The following EFHC2 variants were observed in gnomAD, a reference collection of about 807,000 sequenced individuals.
EFHC2 encodes the protein EF-hand domain containing 2.
Under a neutral mutation model 52.7 loss-of-function variants are expected in EFHC2, and 18 were observed. That is an observed-to-expected ratio of 0.34 (90% confidence interval 0.24 to 0.51). The LOEUF is 0.51. EFHC2 is among the 20% of genes least tolerant of loss of function. The pLI is 0.97. For synonymous variants in EFHC2, 203 were observed against 204.1 expected, an observed-to-expected ratio of 0.99 and a Z score of 0.04; for missense variants, 513 against 562.5, an observed-to-expected ratio of 0.91 and a Z score of 0.89.
At chrX:44,314,012 G>A (rs1436886958) in intron 1 of EFHC2, among the ~76,000 whole-genome samples, 2 of 111,380 alleles carry the variant, frequency 1.8e-5, no homozygotes, top group Non-Finnish European at 3.8e-5. Flanking sequence ...AAAAAATATA[G>A]GTAGCTGAAG....
At chrX:44,207,749 A>G (rs1159951649) in intron 11 of EFHC2, among the ~76,000 whole-genome samples, 1 of 111,928 alleles carries the variant, frequency 8.9e-6, no homozygotes, top group East Asian at 2.8e-4. Context: ...TTTGCAAACT[A>G]TGAACCTGAC....
chrX:44,310,769 T>C (rs1005090206), intron 2 of EFHC2, among the ~76,000 whole-genome samples: 10 of 111,702 alleles, frequency 9.0e-5, no homozygotes, highest in Non-Finnish European at 1.7e-4. Flanking sequence ...ATGTTGCATT[T>C]AGTTAGCCCT....
chrX:44,168,258 C>T (rs1263487529), intron 13 of EFHC2, among the ~76,000 whole-genome samples: 6 of 111,966 alleles, frequency 5.4e-5, no homozygotes, highest in East Asian at 2.8e-4. Context: ...GGTGTCCGGG[C>T]GTGGTGGCTC....
intron 4 of EFHC2, among the ~76,000 whole-genome samples, chrX:44,251,105 G>A (rs1265883714): frequency 9.4e-6 from 1 of 106,337 alleles, no homozygotes; most frequent in Non-Finnish European, 1.9e-5. Flanking sequence ...CGGGCGTGGT[G>A]GCAGGCACCT....
chrX:44,210,612 T>C (rs1263723229), intron 11 of EFHC2, among the ~76,000 whole-genome samples: 1 of 112,493 alleles, frequency 8.9e-6, no homozygotes, highest in Non-Finnish European at 1.9e-5. Context: ...AAAAATTGCA[T>C]ATCCATGTGC....
At chrX:44,174,678 T>G (rs1602134863) in intron 13 of EFHC2, among the ~76,000 whole-genome samples, 3 of 95,710 alleles carry the variant, frequency 3.1e-5, no homozygotes, top group East Asian at 3.4e-4. Flanking sequence ...AGGCAGGAGG[T>G]ATATGTGTAA....
chrX:44,323,663 A>C (rs1056794806), intron 1 of EFHC2, among the ~76,000 whole-genome samples: 2 of 111,473 alleles, frequency 1.8e-5, no homozygotes, highest in Admixed American at 1.9e-4. Flanking sequence ...ACGGGGTATG[A>C]GGCTCATTTC....
At chrX:44,197,355 A>G (rs940547926) in intron 11 of EFHC2, among the ~76,000 whole-genome samples, 2 of 112,171 alleles carry the variant, frequency 1.8e-5, no homozygotes, top group African/African-American at 6.5e-5. Context: ...GTGGGAATAA[A>G]AAGATATGCT....
intron 13 of EFHC2, among the ~76,000 whole-genome samples, chrX:44,166,383 G>T (rs898577743): frequency 2.7e-5 from 3 of 111,423 alleles, no homozygotes; most frequent in Non-Finnish European, 3.8e-5. Flanking sequence ...TGAATAACTG[G>T]AGCAATGGAG....
At chrX:44,187,030 G>A (rs954260327) in intron 11 of EFHC2, among the ~76,000 whole-genome samples, 2 of 105,280 alleles carry the variant, frequency 1.9e-5, no homozygotes, top group African/African-American at 3.5e-5. Context: ...GAGGTAGGAG[G>A]ATCATTTGAG....
chrX:44,195,444 G>GTT (rs61127028), intron 11 of EFHC2, among the ~76,000 whole-genome samples: 2 of 109,394 alleles, frequency 1.8e-5, no homozygotes, highest in African/African-American at 3.3e-5. Context: ...TTGCTGTTTT[G>GTT]TTTTTTTGTT....
chrX:44,242,852 A>C, intron 7 of EFHC2, among the ~76,000 whole-genome samples: 1 of 111,633 alleles, frequency 9.0e-6, no homozygotes, highest in Middle Eastern at 4.6e-3. Context: ...GTTCAAAAAC[A>C]AACACCAAAA....
At chrX:44,336,352 A>G (rs1387289114) in intron 1 of EFHC2, among the ~76,000 whole-genome samples, 4 of 106,871 alleles carry the variant, frequency 3.7e-5, no homozygotes, top group Non-Finnish European at 5.8e-5. Flanking sequence ...GCGCCACTAC[A>G]CTCCCCTGGG....
At chrX:44,282,564 C>T (rs1279849826) in intron 2 of EFHC2, among the ~76,000 whole-genome samples, 1 of 71,933 alleles carries the variant, frequency 1.4e-5, no homozygotes, top group East Asian at 5.3e-4. Context: ...TGCAACGAGC[C>T]GAGATCGCAC....
intron 3 of EFHC2, among the ~76,000 whole-genome samples, chrX:44,264,092 C>T (rs1403079791): frequency 6.3e-5 from 7 of 111,946 alleles, no homozygotes; most frequent in African/African-American, 2.3e-4. Context: ...AACCAAAGCT[C>T]AGAGAGGTTA....
intron 2 of EFHC2, 131 bp downstream of exon 2, chrX:44,312,437 A>C: frequency 2.3e-6 from 1 of 439,519 alleles, no homozygotes; most frequent in Non-Finnish European, 3.6e-6. Flanking sequence ...AGGCAATAAT[A>C]AGTAGAAAAG....
At chrX:44,233,977 T>G (rs1287156292) in intron 9 of EFHC2, among the ~76,000 whole-genome samples, 1 of 111,790 alleles carries the variant, frequency 8.9e-6, no homozygotes. Context: ...AGAATTTCAC[T>G]GCAGTCTAAG....
At chrX:44,179,218 G>A (rs1273750876) in intron 11 of EFHC2, among the ~76,000 whole-genome samples, 1 of 110,236 alleles carries the variant, frequency 9.1e-6, no homozygotes, top group East Asian at 2.8e-4. Flanking sequence ...GACGACTCAA[G>A]GCCTAGCAAA....
intron 1 of EFHC2, among the ~76,000 whole-genome samples, chrX:44,340,376 G>A (rs1045164480): frequency 9.0e-6 from 1 of 110,951 alleles, no homozygotes; most frequent in East Asian, 2.8e-4. Context: ...ATAAAGCCAG[G>A]CACGGTGGCT....
Sources: gnomAD v4.1 joint callset for allele counts (sites outside exome capture counted in the v4.1 genomes callset) on GRCh38, gnomAD v4.1.1 for gene constraint, MANE v1.5 for transcripts, NCBI Gene and HGNC (gene_info 2026-07-23, HGNC 2026-07-21) for gene names.